GPRIN2: variants seen among roughly 807,000 people sequenced by gnomAD.
GPRIN2 encodes the protein G protein-regulated inducer of neurite outgrowth 2.
A neutral mutation model predicts 0.3 loss-of-function variants in GPRIN2; 1 was observed. That is an observed-to-expected ratio of 3.90 (90% CI 1.39 to 18.51). GPRIN2 has a LOEUF of 18.51. Among genes scored for constraint, GPRIN2 ranks in the 30% most tolerant of loss-of-function variants. GPRIN2 has a pLI of 0.11. For missense variants in GPRIN2, 880 were observed against 604.2 expected (o/e 1.46, Z -4.79); for synonymous variants, 361 against 258.6 (o/e 1.40, Z -3.80).
chr10:46,552,514 A>T (rs1252940577), intron 2 of GPRIN2, among the ~76,000 whole-genome samples: 1 of 152,308 alleles, frequency 6.6e-6, no homozygotes, highest in Non-Finnish European at 1.5e-5. Flanking sequence ...GTGTAATTAC[A>T]AATGTCCTGG....
At chr10:46,552,175 G>A (rs879993311) in intron 2 of GPRIN2, among the ~76,000 whole-genome samples, 1 of 152,310 alleles carries the variant, frequency 6.6e-6, no homozygotes, top group Non-Finnish European at 1.5e-5. Context: ...AGTGAGAGAA[G>A]CAAGAAGGTG....
At position 46,549,169 on chromosome 10, in the gene GPRIN2, T is replaced by G; in HGVS notation, c.*191A>C. 7.1e-6 allele frequency: 5 copies of G among 708,720 alleles called. No individual in the cohort carries two copies. Among genetic ancestry groups the G allele is most frequent in the Non-Finnish European group, 8.6e-6 (4 of 464,922 alleles). 43.9% of individuals were successfully genotyped at this position (708,720 alleles called of 1,614,324 possible). On this transcript the variant is annotated 3_prime_UTR_variant, in exon 3 of 3. Coordinates refer to ENST00000374314, the MANE Select transcript of GPRIN2 (RefSeq NM_001385282.1). ...ATGTGGCCCTTGGAAATCAAGCCCTTAAGAAAACAGCCCAGCTGTGTAGGG... is the reference window on the plus strand; with the variant it reads ...ATGTGGCCCTTGGAAATCAAGCCCTGAAGAAAACAGCCCAGCTGTGTAGGG...
chr10:46,549,166 C>T lies in GPRIN2; in HGVS notation c.*194G>A. The T allele has an allele frequency of 3.0e-6, 2 of 673,400 alleles. No homozygotes were observed. The highest frequency in any genetic ancestry group is 1.9e-5 in the African/African-American group (1 of 53,298). The allele number at this position is 673,400 out of a possible 1,614,324, so 41.7% of individuals were successfully genotyped here. ...GAGATGTGGCCCTTGGAAATCAAGC[C>T]CTTAAGAAAACAGCCCAGCTGTGTA... On this transcript the variant is annotated 3_prime_UTR_variant, in exon 3 of 3. Coordinates refer to ENST00000374314, the MANE Select transcript of GPRIN2 (RefSeq NM_001385282.1).
In GPRIN2 at chr10:46,550,234, G is replaced by C. The variant is rs1292532523; in HGVS notation, c.503C>G (p.Ala168Gly). 4 of 1,607,302 alleles carry C rather than the reference G, an allele frequency of 2.5e-6. No individual in the cohort carries two copies. The highest frequency in any genetic ancestry group is 1.7e-6 in the Non-Finnish European group (2 of 1,176,262). ...PGGTSGQGGQAPAGLERDLAP... is the reference protein window; with the variant it reads ...PGGTSGQGGQGPAGLERDLAP... ...CAGGTCCCTTTCCAGGCCTGCAGGG[G>C]CCTGGCCACCCTGGCCAGAAGTACC... The change falls in exon 3 of 3, where the codon GCC becomes GGC. Residue 168 changes from alanine (A) to glycine (G), a missense_variant. Physicochemically the swap from Ala to Gly is moderately conservative, Grantham distance 60. Transcript: ENST00000374314.
chr10:46,550,705 C>A lies in GPRIN2; in HGVS notation c.32G>T (p.Trp11Leu). ...CTGAAGGCGGGGGCTCAGGGGTGCC[C>A]AGGGACCCGGCTCGGGGCGGCTGGA... The part of the protein sequence containing the change: MSSSRPEPGP[W>L]APLSPRLQPL... Residue 11 changes from tryptophan (W) to leucine (L), a missense_variant, in exon 3 of 3, where the codon TGG (tryptophan) becomes TTG (leucine). Physicochemically the swap from Trp to Leu is moderately conservative, Grantham distance 61. Transcript: ENST00000374314. 1 of 1,510,296 alleles carries A rather than the reference C, an allele frequency of 6.6e-7. No individual in the cohort carries two copies. Among genetic ancestry groups the A allele is most frequent in the Non-Finnish European group, 8.8e-7 (1 of 1,131,748 alleles). The allele number at this position is 1,510,296 out of a possible 1,614,324, so 93.6% of individuals were successfully genotyped here. A position where few individuals can be genotyped will look rare whatever the true frequency, so the allele number is the denominator to read the frequency against.
rs944383738 is a variant in GPRIN2 at position 46,543,093 on chromosome 10, G to A, written c.*6267C>T. ...AAACTTGGCACAGCAACCCCAGGGAGACCTCCCTCTGTAAGGAGATGCTCA... is the reference window on the plus strand; with the variant it reads ...AAACTTGGCACAGCAACCCCAGGGAAACCTCCCTCTGTAAGGAGATGCTCA... On this transcript the variant is annotated 3_prime_UTR_variant, in exon 3 of 3. Transcript: ENST00000374314. Among the ~76,000 whole-genome samples, 3 of 152,426 alleles carry A rather than the reference G, an allele frequency of 2.0e-5. No individual in the cohort carries two copies. The highest frequency in any genetic ancestry group is 4.1e-4 in the South Asian group (2 of 4,832).
chr10:46,542,873 G>A lies in GPRIN2; in HGVS notation c.*6487C>T, dbSNP rs1841863352. 1.3e-5 allele frequency among the ~76,000 whole-genome samples: 2 copies of A among 152,428 alleles called. No homozygotes were observed. Among genetic ancestry groups the A allele is most frequent in the South Asian group, 2.1e-4 (1 of 4,834 alleles). ...AGAAGATTCTGAAAACATGGATGAGGAGATGGCCTGCCTAAAGCCAGCAGA... is the reference window on the plus strand; with the variant it reads ...AGAAGATTCTGAAAACATGGATGAGAAGATGGCCTGCCTAAAGCCAGCAGA... On this transcript the variant is annotated 3_prime_UTR_variant, in exon 3 of 3. Transcript: ENST00000374314.
chr10:46,551,463 T>C, intron 2 of GPRIN2: 1 of 985,538 alleles, frequency 1.0e-6, no homozygotes, highest in Non-Finnish European at 1.2e-6. Context: ...GCTTTTTCCA[T>C]GAGGGACTCA....
In GPRIN2 at chr10:46,556,552, A is replaced by C. The variant is rs1393406630; in HGVS notation, c.-172T>G. ...GGGAAGCGCTGCTCCTGCGGCCGCC[A>C]CAGGTGCCAGGTGCCGCGGCCCAAG... On this transcript the variant is annotated 5_prime_UTR_variant, in exon 1 of 3. Transcript: ENST00000374314. 6.6e-6 allele frequency among the ~76,000 whole-genome samples: 1 copy of C among 152,142 alleles called. No homozygotes were observed. The highest frequency in any genetic ancestry group is 2.4e-5 in the African/African-American group (1 of 41,454).
rs1842434428 is a variant in GPRIN2, at chr10:46,549,268, G to C, written c.*92C>G. ...AGGTGAGAGATGTGCCCAGCTGCCGGTGGGTCCAGGGGGCACGGAGCCCCC... is the reference window on the plus strand; with the variant it reads ...AGGTGAGAGATGTGCCCAGCTGCCGCTGGGTCCAGGGGGCACGGAGCCCCC... On this transcript the variant is annotated 3_prime_UTR_variant, in exon 3 of 3. Transcript: ENST00000374314. 7.2e-7 allele frequency: 1 copy of C among 1,393,264 alleles called. No individual in the cohort carries two copies. The highest frequency in any genetic ancestry group is 1.5e-5 in the African/African-American group (1 of 67,728). 86.3% of individuals were successfully genotyped at this position (1,393,264 alleles called of 1,614,324 possible).
chr10:46,546,496 G>T lies in GPRIN2; in HGVS notation c.*2864C>A, dbSNP rs1842172023. Among the ~76,000 whole-genome samples, 1 of 152,310 alleles carries T rather than the reference G, an allele frequency of 6.6e-6. No homozygotes were observed. Among genetic ancestry groups the T allele is most frequent in the Non-Finnish European group, 1.5e-5 (1 of 68,058 alleles). ...TGGCAAAGCTCTCACCTCCAAATTT[G>T]TATCTGTTTTGAATTCAAAGCCAAA... On this transcript the variant is annotated 3_prime_UTR_variant, in exon 3 of 3. Coordinates refer to ENST00000374314, the MANE Select transcript of GPRIN2 (RefSeq NM_001385282.1).
At position 46,550,106 on chromosome 10, in the gene GPRIN2, C is replaced by T. The variant is rs1832482709; in HGVS notation, c.631G>A (p.Ala211Thr). The change falls in exon 3 of 3, where the codon GCC (alanine) becomes ACC (threonine). Residue 211 changes from alanine to threonine, a missense_variant. By Grantham distance (58) the Ala-to-Thr change is moderately conservative (BLOSUM62 0). Coordinates refer to ENST00000374314, the MANE Select transcript of GPRIN2 (RefSeq NM_001385282.1). ...TCAGCAGCTTTGGGCTCAGCCTGGGCACTGCTGCTGTGGGCAGTTGTGTCC... is the reference window on the plus strand; with the variant it reads ...TCAGCAGCTTTGGGCTCAGCCTGGGTACTGCTGCTGTGGGCAGTTGTGTCC... ...LGDTTAHSSS[A>T]QAEPKAAEQL... 5 of 1,612,014 alleles carry T rather than the reference C, an allele frequency of 3.1e-6. No homozygotes were observed. The highest frequency in any genetic ancestry group is 4.2e-6 in the Non-Finnish European group (5 of 1,179,252).
Position 46,542,420 on chromosome 10 carries a change from C to A in GPRIN2, c.*6940G>T, listed in dbSNP as rs1588948640. On this transcript the variant is annotated 3_prime_UTR_variant, in exon 3 of 3. Coordinates refer to ENST00000374314, the MANE Select transcript of GPRIN2 (RefSeq NM_001385282.1). ...GAATCGTGGGGGCGGTTCCCCCATG[C>A]TGTTCTTGTGATAGTAAGTTCTCAC... Among the ~76,000 whole-genome samples, 1 of 152,312 alleles carries A rather than the reference C, an allele frequency of 6.6e-6. No homozygotes were observed. The highest frequency in any genetic ancestry group is 2.4e-5 in the African/African-American group (1 of 41,488).
intron 2 of GPRIN2, among the ~76,000 whole-genome samples, chr10:46,551,992 C>T (rs1842667963): frequency 6.6e-6 from 1 of 152,312 alleles, no homozygotes; most frequent in South Asian, 2.1e-4. Context: ...AGAGGATTAT[C>T]TGCTGTGTGC....
At position 46,554,585 on chromosome 10, in the gene GPRIN2, C is replaced by T. The variant is rs1831985667; in HGVS notation, c.-7G>A. 1 of 153,022 alleles carries T rather than the reference C, an allele frequency of 6.5e-6. No individual in the cohort carries two copies. The highest frequency in any genetic ancestry group is 2.4e-5 in the African/African-American group (1 of 41,616). The allele number at this position is 153,022 out of a possible 1,614,324, so 9.5% of individuals were successfully genotyped here. Reference sequence around the variant, plus strand: ...ACCTCTAGTATTCTTTGAACGATACCTTAATGTTCTCTCTCCTGCCCCATT... The same window carrying T: ...ACCTCTAGTATTCTTTGAACGATACTTTAATGTTCTCTCTCCTGCCCCATT... On this transcript the variant is annotated splice_region_variant and 5_prime_UTR_variant, in exon 2 of 3. Transcript: ENST00000374314.
chr10:46,545,311 G>C lies in GPRIN2; in HGVS notation c.*4049C>G, dbSNP rs1832949566. ...AGAGCTTCCTAGCCTGCCTGCCAGA[G>C]AGCAGAAGTGCCTGGAGGCTACATC... On this transcript the variant is annotated 3_prime_UTR_variant, in exon 3 of 3. Coordinates refer to ENST00000374314, the MANE Select transcript of GPRIN2 (RefSeq NM_001385282.1). Among the ~76,000 whole-genome samples the C allele has an allele frequency of 6.6e-6, 1 of 152,298 alleles. No individual in the cohort carries two copies. The highest frequency in any genetic ancestry group is 2.1e-4 in the South Asian group (1 of 4,838).
rs1042618722 is a variant in GPRIN2 at position 46,544,131 on chromosome 10, T to C, written c.*5229A>G. Among the ~76,000 whole-genome samples the C allele has an allele frequency of 7.2e-5, 11 of 152,298 alleles. No individual in the cohort carries two copies. Among genetic ancestry groups the C allele is most frequent in the African/African-American group, 2.7e-4 (11 of 41,480 alleles). On this transcript the variant is annotated 3_prime_UTR_variant, in exon 3 of 3. Transcript: ENST00000374314. ...TGAGCAAACCTAAAGAAGGGTTCAA[T>C]AGGGAAGGTACCAGCGGCCGGCTGC... is the stretch of plus-strand genomic sequence containing the variant.
In GPRIN2 at chr10:46,544,341, TG is replaced by T. The variant is rs1219603349; in HGVS notation, c.*5018del. On this transcript the variant is annotated 3_prime_UTR_variant, in exon 3 of 3. Coordinates refer to ENST00000374314, the MANE Select transcript of GPRIN2 (RefSeq NM_001385282.1). Reference sequence around the variant, plus strand: ...CTTCTTTCTTGTCTTTTTCTTTTTTTGAAACAGGGTCTGGCTCCGTCATCCA... The same window carrying T: ...CTTCTTTCTTGTCTTTTTCTTTTTTTAAACAGGGTCTGGCTCCGTCATCCA... Among the ~76,000 whole-genome samples the T allele has an allele frequency of 1.4e-4, 22 of 152,418 alleles. No homozygotes were observed. Among genetic ancestry groups the T allele is most frequent in the Admixed American group, 9.8e-4 (15 of 15,310 alleles).
chr10:46,556,936 C>G (rs1318255681), upstream of GPRIN2, among the ~76,000 whole-genome samples: 2 of 152,302 alleles, frequency 1.3e-5, no homozygotes, highest in African/African-American at 2.4e-5. Context: ...ACCCCACCGT[C>G]CCGGGTGTAT....
Sources: gnomAD v4.1 joint callset for allele counts (sites outside exome capture counted in the v4.1 genomes callset) on GRCh38, gnomAD v4.1.1 for gene constraint, MANE v1.5 for transcripts, NCBI Gene and HGNC (gene_info 2026-07-23, HGNC 2026-07-21) for gene names.